The following COMMD9 variants were observed in gnomAD, a reference collection of about 807,000 sequenced individuals.
COMMD9 encodes the protein COMM domain containing 9.
A neutral mutation model predicts 23.4 loss-of-function variants in COMMD9; 22 were observed. The ratio of observed to expected loss-of-function variants is 0.94; its 90% CI spans 0.67 to 1.34. The LOEUF is 1.34. COMMD9 is among the 40% of genes most tolerant of loss of function. The pLI is 0.00. For synonymous variants in COMMD9, 99 were observed against 97.4 expected, an observed-to-expected ratio of 1.02 and a Z score of -0.10; for missense variants, 231 against 240.2, an observed-to-expected ratio of 0.96 and a Z score of 0.25.
rs1590394956 is a variant in COMMD9 at position 36,274,771 on chromosome 11, A to G, written c.458T>C (p.Ile153Thr). The change falls in exon 6 of 6, where the codon ATC (isoleucine) becomes ACC (threonine). Residue 153 changes from isoleucine to threonine, a missense_variant and splice_region_variant. By Grantham distance (89) the Ile-to-Thr change is moderately conservative. Transcript: ENST00000263401. ...AVPTCLLQMKIQEDPSLCGDK... is the reference protein window; with the variant it reads ...AVPTCLLQMKTQEDPSLCGDK... ...TCCGCATAGGCTGGGATCTTCTTGGATCTGAAACGAGAACACAGCCCAGAA... is the reference window on the plus strand; with the variant it reads ...TCCGCATAGGCTGGGATCTTCTTGGGTCTGAAACGAGAACACAGCCCAGAA... 1 of 1,614,194 alleles carries G rather than the reference A, an allele frequency of 6.2e-7. No homozygotes were observed. Among genetic ancestry groups the G allele is most frequent in the Non-Finnish European group, 8.5e-7 (1 of 1,180,028 alleles).
At chr11:36,287,610 A>AT (rs1471019611) in intron 1 of COMMD9, among the ~76,000 whole-genome samples, 1 of 151,954 alleles carries the variant, frequency 6.6e-6, no homozygotes, top group East Asian at 1.9e-4. Context: ...AAGTCTAAGT[A>AT]TTTTTTTAAA....
chr11:36,276,680 A>T, intron 4 of COMMD9: 1 of 202,204 alleles, frequency 4.9e-6, no homozygotes. Flanking sequence ...AGCCTAGCTC[A>T]CAGGGCTGAA....
intron 1 of COMMD9, among the ~76,000 whole-genome samples, chr11:36,286,395 C>CAAAAAAAAAAAA (rs138463305): frequency 1.2e-3 from 91 of 76,876 alleles, no homozygotes; most frequent in Non-Finnish European, 1.3e-3. Flanking sequence ...ACTAAAAATA[C>CAAAAAAAAAAAA]AAAAAAAAAA....
chr11:36,280,670 T>C (rs748936275), intron 2 of COMMD9, 42 bp downstream of exon 2: 2 of 1,524,646 alleles, frequency 1.3e-6, no homozygotes, highest in Admixed American at 2.1e-5. Flanking sequence ...AAGAGACTAA[T>C]AAGAGGGCCA....
Position 36,274,412 on chromosome 11 carries a change from G to T in COMMD9, c.*220C>A. The T allele has an allele frequency of 1.4e-6, 1 of 708,418 alleles. No individual in the cohort carries two copies. Among genetic ancestry groups the T allele is most frequent in the South Asian group, 1.5e-5 (1 of 67,668 alleles). 43.9% of individuals were successfully genotyped at this position (708,418 alleles called of 1,614,324 possible). Reference sequence around the variant, plus strand: ...GAGCTTTTCAAAGATGGGGGCTTCTGCTCTCCAGCTTCAGAAAGAGAAAGA... The same window carrying T: ...GAGCTTTTCAAAGATGGGGGCTTCTTCTCTCCAGCTTCAGAAAGAGAAAGA... On this transcript the variant is annotated 3_prime_UTR_variant, in exon 6 of 6. Coordinates refer to ENST00000263401, the MANE Select transcript of COMMD9 (RefSeq NM_014186.4).
At chr11:36,287,071 TCGCG>T in intron 1 of COMMD9, among the ~76,000 whole-genome samples, 1 of 149,710 alleles carries the variant, frequency 6.7e-6, no homozygotes, top group Non-Finnish European at 1.5e-5. Context: ...ACTATGTATA[TCGCG>T]TAGTATGTAT....
At chr11:36,275,468 G>A (rs1416308024) in intron 5 of COMMD9, among the ~76,000 whole-genome samples, 6 of 141,302 alleles carry the variant, frequency 4.2e-5, no homozygotes, top group Non-Finnish European at 7.7e-5. Flanking sequence ...TTTTTGAGAC[G>A]GAGTCTCACT....
chr11:36,276,099 G>A (rs1444398862), intron 5 of COMMD9, 38 bp downstream of exon 5: 1 of 1,464,164 alleles, frequency 6.8e-7, no homozygotes, highest in Non-Finnish European at 9.6e-7. Flanking sequence ...CCATAGGGGT[G>A]CTGCCTCTTC....
chr11:36,286,128 T>C (rs187264770), intron 1 of COMMD9, among the ~76,000 whole-genome samples: 1 of 152,330 alleles, frequency 6.6e-6, no homozygotes, highest in Non-Finnish European at 1.5e-5. Context: ...ATTTTCCATG[T>C]AGAACATTCC....
intron 1 of COMMD9, among the ~76,000 whole-genome samples, chr11:36,282,631 C>T (rs1284311450): frequency 1.3e-5 from 2 of 151,964 alleles, no homozygotes; most frequent in Non-Finnish European, 1.5e-5. Context: ...CAAGACCTGC[C>T]GTAAAAGAAT....
intron 2 of COMMD9, 107 bp downstream of exon 2, chr11:36,280,605 C>G (rs1856048745): frequency 8.5e-7 from 1 of 1,171,476 alleles, no homozygotes; most frequent in Non-Finnish European, 1.2e-6. Context: ...GCTACAGTGT[C>G]AACAGATGTT....
Position 36,274,670 on chromosome 11 carries a change from G to A in COMMD9, c.559C>T (p.Arg187Cys), listed in dbSNP as rs773063854. Reference protein sequence around the residue: ...TLDTMLDGLGRIRDQLSAVAS... With the variant: ...TLDTMLDGLGCIRDQLSAVAS... ...ACGGCAGAGAGTTGGTCTCGGATGCGGCCCAGGCCATCTAACATGGTGTCC... is the reference window on the plus strand; with the variant it reads ...ACGGCAGAGAGTTGGTCTCGGATGCAGCCCAGGCCATCTAACATGGTGTCC... The change falls in exon 6 of 6, where the codon CGC becomes TGC. Residue 187 changes from arginine (R) to cysteine (C), a missense_variant. Physicochemically the swap from Arg to Cys is radical, Grantham distance 180 (BLOSUM62 -3). Transcript: ENST00000263401. 3.7e-6 allele frequency: 6 copies of A among 1,614,242 alleles called. No individual in the cohort carries two copies. The highest frequency in any genetic ancestry group is 2.2e-5 in the East Asian group (1 of 44,890).
In COMMD9 at chr11:36,274,390, C is replaced by A. The variant is rs527931962; in HGVS notation, c.*242G>T. ...GTGGTAATTAAGTTGCACTCAGGAG[C>A]TTTTCAAAGATGGGGGCTTCTGCTC... is the stretch of plus-strand genomic sequence containing the variant. On this transcript the variant is annotated 3_prime_UTR_variant, in exon 6 of 6. Transcript: ENST00000263401. The A allele has an allele frequency of 1.5e-3, 1,012 of 685,254 alleles. 1 individual carries two copies. Among genetic ancestry groups the A allele is most frequent in the Admixed American group, 2.2e-3 (106 of 49,214 alleles). 42.4% of individuals were successfully genotyped at this position (685,254 alleles called of 1,614,324 possible). A position where few individuals can be genotyped will look rare whatever the true frequency, so the allele number is the denominator to read the frequency against.
intron 1 of COMMD9, among the ~76,000 whole-genome samples, chr11:36,288,731 C>A (rs1428760874): frequency 6.6e-6 from 1 of 152,106 alleles, no homozygotes; most frequent in South Asian, 2.1e-4. Context: ...ACTCGGGGGG[C>A]GGAGGTTGCA....
intron 1 of COMMD9, among the ~76,000 whole-genome samples, chr11:36,287,815 G>A (rs1337732805): frequency 6.6e-6 from 1 of 152,156 alleles, no homozygotes; most frequent in Non-Finnish European, 1.5e-5. Flanking sequence ...GGAAGAAAGT[G>A]AGGAAGCAAA....
In COMMD9 at chr11:36,274,555, G is replaced by A. The variant is rs1353204976; in HGVS notation, c.*77C>T. 2.4e-5 allele frequency: 38 copies of A among 1,563,158 alleles called. No homozygotes were observed. The highest frequency in any genetic ancestry group is 3.1e-5 in the Non-Finnish European group (35 of 1,141,444). On this transcript the variant is annotated 3_prime_UTR_variant, in exon 6 of 6. Coordinates refer to ENST00000263401, the MANE Select transcript of COMMD9 (RefSeq NM_014186.4). ...TGCCTGTTGTCAGCTGCAGCTGCAAGGGCAGCCTGCATATGGGGAGACATT... is the reference window on the plus strand; with the variant it reads ...TGCCTGTTGTCAGCTGCAGCTGCAAAGGCAGCCTGCATATGGGGAGACATT...
intron 1 of COMMD9, among the ~76,000 whole-genome samples, chr11:36,288,369 AAAAAAG>A (rs1027652052): frequency 2.0e-5 from 3 of 150,518 alleles, no homozygotes; most frequent in Non-Finnish European, 4.4e-5. Flanking sequence ...TAAAAAAAAA[AAAAAAG>A]AGAGAGGAAG....
In COMMD9 at chr11:36,286,409, A is replaced by AAAAG. The variant is rs1199227160; in HGVS notation, c.51+2952_51+2953insCTTT. 5.6e-5 allele frequency among the ~76,000 whole-genome samples: 4 copies of AAAAG among 71,206 alleles called. No homozygotes were observed. In the Admixed American group the frequency reaches 8.3e-4, roughly 15 times the overall value. 46.7% of individuals were successfully genotyped at this position (71,206 alleles called of 152,430 possible). On this transcript the variant is annotated intron_variant, in intron 1 of 5. Coordinates refer to ENST00000263401, the MANE Select transcript of COMMD9 (RefSeq NM_014186.4). ...TACTAAAAATACAAAAAAAAAAAAA[A>AAAAG]AAAAGAAAGAAAGAAAGAAAGAAAG...
intron 3 of COMMD9, among the ~76,000 whole-genome samples, chr11:36,277,610 T>C (rs1218418537): frequency 6.6e-6 from 1 of 152,224 alleles, no homozygotes; most frequent in South Asian, 2.1e-4. Context: ...TTATCAGTTA[T>C]TGCTATTAGA....
Sources: gnomAD v4.1 joint callset for allele counts (sites outside exome capture counted in the v4.1 genomes callset) on GRCh38, gnomAD v4.1.1 for gene constraint, MANE v1.5 for transcripts, NCBI Gene and HGNC (gene_info 2026-07-23, HGNC 2026-07-21) for gene names.